FARP1: variants seen among roughly 807,000 people sequenced by gnomAD.
The protein encoded by FARP1 is FERM, ARH/RhoGEF and pleckstrin domain protein 1.
In FARP1, 52 loss-of-function variants were observed where a neutral mutation model predicts 128.8. The observed-to-expected ratio is 0.40, with a 90% CI of 0.32 to 0.51. The LOEUF is 0.51. Ranked by LOEUF, FARP1 falls within the 20% of genes least tolerant of loss-of-function variation. FARP1 has a pLI of 0.45. For missense variants in FARP1, 1,333 were observed against 1,367.9 expected, an observed-to-expected ratio of 0.97 and a Z score of 0.40; for synonymous variants, 580 against 551.8, an observed-to-expected ratio of 1.05 and a Z score of -0.72.
intron 13 of FARP1, chr13:98,405,164 A>G (rs189163172): frequency 6.6e-6 from 1 of 152,326 alleles, no homozygotes; most frequent in East Asian, 1.9e-4. Context: ...TGGCTCACTG[A>G]TGATAAAGTC....
At chr13:98,267,497 T>C (rs889569214) in intron 2 of FARP1, among the ~76,000 whole-genome samples, 2 of 152,192 alleles carry the variant, frequency 1.3e-5, no homozygotes, top group African/African-American at 4.8e-5. Context: ...CCCCCCCATA[T>C]CCTTCCCAAG....
At chr13:98,429,716 T>A (rs1450233339) in intron 17 of FARP1, among the ~76,000 whole-genome samples, 2 of 152,016 alleles carry the variant, frequency 1.3e-5, no homozygotes, top group African/African-American at 4.8e-5. Flanking sequence ...TGTTTCCAGC[T>A]TTTTCCGGGG....
At chr13:98,425,540 G>A (rs1309058379) in intron 17 of FARP1, 1 of 152,262 alleles carries the variant, frequency 6.6e-6, no homozygotes, top group Non-Finnish European at 1.5e-5. Flanking sequence ...GACTACAGGT[G>A]CGCACCACCA....
At position 98,153,456 on chromosome 13, in the gene FARP1, T is replaced by C. The variant is rs1432366567; in HGVS notation, c.-24+9964T>C. 1.3e-4 allele frequency among the ~76,000 whole-genome samples: 18 copies of C among 136,762 alleles called. 1 individual carries two copies. Among genetic ancestry groups the C allele is most frequent in the Admixed American group, 2.4e-4 (3 of 12,322 alleles). The allele number at this position is 136,762 out of a possible 152,430, so 89.7% of individuals were successfully genotyped here. On this transcript the variant is annotated intron_variant, in intron 1 of 26. Coordinates refer to ENST00000319562, the MANE Select transcript of FARP1 (RefSeq NM_005766.4). ...ATATATAAATATGTATAATATATAA[T>C]ACATTATATATAAATATGTATAATA...
At chr13:98,217,688 G>A (rs1236125435) in intron 2 of FARP1, among the ~76,000 whole-genome samples, 2 of 152,158 alleles carry the variant, frequency 1.3e-5, no homozygotes, top group African/African-American at 2.4e-5. Flanking sequence ...CACAGTCCTC[G>A]GCGGTTTGTT....
Position 98,272,620 on chromosome 13 carries a change from G to A in FARP1, c.171+59207G>A, listed in dbSNP as rs548712873. On this transcript the variant is annotated intron_variant, in intron 2 of 26. Transcript: ENST00000319562. Reference sequence around the variant, plus strand: ...TGCAGTTTTGCCAGCTCTAAAATCAGTTGGTAGTGGCTGCCTGGAGTATCT... The same window carrying A: ...TGCAGTTTTGCCAGCTCTAAAATCAATTGGTAGTGGCTGCCTGGAGTATCT... Among the ~76,000 whole-genome samples the A allele has an allele frequency of 4.4e-4, 67 of 152,286 alleles. 3 individuals carry two copies. In the South Asian group the frequency reaches 0.014, roughly 32 times the overall value.
At chr13:98,213,905 G>T (rs191276591) in intron 2 of FARP1, among the ~76,000 whole-genome samples, 40 of 152,272 alleles carry the variant, frequency 2.6e-4, no homozygotes, top group Non-Finnish European at 4.6e-4. Context: ...GTGTTTTCAT[G>T]TGAGGGAATC....
intron 2 of FARP1, among the ~76,000 whole-genome samples, chr13:98,240,491 C>T (rs945017410): frequency 6.6e-6 from 1 of 152,138 alleles, no homozygotes; most frequent in Admixed American, 6.5e-5. Flanking sequence ...GGCAGGCAAA[C>T]AGAGAAGGAT....
intron 1 of FARP1, among the ~76,000 whole-genome samples, chr13:98,199,457 A>G (rs1879796124): frequency 6.6e-6 from 1 of 152,226 alleles, no homozygotes; most frequent in Non-Finnish European, 1.5e-5. Flanking sequence ...CTGAAACATA[A>G]TAGGCCCTCA....
chr13:98,239,000 A>G (rs577582534), intron 2 of FARP1, among the ~76,000 whole-genome samples: 2 of 152,220 alleles, frequency 1.3e-5, no homozygotes, highest in African/African-American at 4.8e-5. Context: ...GAAAAACCCA[A>G]CTTCCTGCCT....
intron 5 of FARP1, among the ~76,000 whole-genome samples, chr13:98,372,086 T>C (rs542692580): frequency 1.1e-3 from 158 of 141,696 alleles, no homozygotes; most frequent in African/African-American, 3.7e-3. Context: ...TTTTTCTTTT[T>C]TTTTTTTTTT....
At position 98,184,960 on chromosome 13, in the gene FARP1, G is replaced by A. The variant is rs145896441; in HGVS notation, c.-23-28260G>A. 5.3e-3 allele frequency among the ~76,000 whole-genome samples: 804 copies of A among 152,210 alleles called. 3 individuals are homozygous for A. Among genetic ancestry groups the A allele is most frequent in the African/African-American group, 0.018 (733 of 41,540 alleles). ...TAATTCATAGAGTTTGCCAGTTTCCGTGGTGTAAATATTTCCACCATGGCC... is the reference window on the plus strand; with the variant it reads ...TAATTCATAGAGTTTGCCAGTTTCCATGGTGTAAATATTTCCACCATGGCC... On this transcript the variant is annotated intron_variant, in intron 1 of 26. Transcript: ENST00000319562.
intron 2 of FARP1, among the ~76,000 whole-genome samples, chr13:98,336,200 T>A (rs1305518311): frequency 6.6e-5 from 10 of 152,232 alleles, no homozygotes; most frequent in Admixed American, 4.6e-4. Flanking sequence ...AACTTTGTTA[T>A]AGAAATAACC....
At chr13:98,366,661 G>C (rs1162602128) in intron 4 of FARP1, among the ~76,000 whole-genome samples, 2 of 152,212 alleles carry the variant, frequency 1.3e-5, no homozygotes, top group East Asian at 3.8e-4. Flanking sequence ...CTGTCACTTG[G>C]CATTGAGTGC....
At chr13:98,202,181 G>C (rs535776035) in intron 1 of FARP1, among the ~76,000 whole-genome samples, 1 of 152,294 alleles carries the variant, frequency 6.6e-6, no homozygotes, top group Non-Finnish European at 1.5e-5. Context: ...AGCTCCTGGC[G>C]TGTGGCTCCC....
At chr13:98,429,884 T>C (rs1891944496) in intron 17 of FARP1, among the ~76,000 whole-genome samples, 1 of 152,188 alleles carries the variant, frequency 6.6e-6, no homozygotes. Flanking sequence ...CTTTCATCAT[T>C]TTGTGCCTTT....
intron 1 of FARP1, among the ~76,000 whole-genome samples, chr13:98,156,748 GAC>G (rs1876521563): frequency 6.6e-6 from 1 of 151,838 alleles, no homozygotes; most frequent in African/African-American, 2.4e-5. Context: ...TTTTTAAAGA[GAC>G]AGTGTTTTGC....
intron 1 of FARP1, among the ~76,000 whole-genome samples, chr13:98,181,643 TGAG>T (rs1878533125): frequency 5.2e-5 from 2 of 38,300 alleles, no homozygotes; most frequent in Admixed American, 2.3e-4. Context: ...TTTATTTATT[TGAG>T]AGAGAGAGAG....
chr13:98,198,570 A>G (rs1879726614), intron 1 of FARP1, among the ~76,000 whole-genome samples: 1 of 151,926 alleles, frequency 6.6e-6, no homozygotes, highest in South Asian at 2.1e-4. Flanking sequence ...CTCCCTCTCT[A>G]GAAATAATTT....
Sources: gnomAD v4.1 joint callset for allele counts (sites outside exome capture counted in the v4.1 genomes callset) on GRCh38, gnomAD v4.1.1 for gene constraint, MANE v1.5 for transcripts, NCBI Gene and HGNC (gene_info 2026-07-23, HGNC 2026-07-21) for gene names.